LINGO1: variants seen among roughly 807,000 people sequenced by gnomAD.
The protein encoded by LINGO1 is leucine rich repeat and Ig domain containing 1.
LINGO1 carries 11 observed loss-of-function variants against 37.3 expected under a neutral mutation model. The observed-to-expected ratio is 0.29, with a 90% CI of 0.19 to 0.49. The LOEUF (loss-of-function observed/expected upper bound fraction) is 0.49, where lower values mean the gene tolerates loss of function less well. Among genes scored for constraint, LINGO1 ranks in the 20% least tolerant of loss-of-function variants. The pLI, the probability that LINGO1 is intolerant of heterozygous loss-of-function variation, is 0.99. For synonymous variants in LINGO1, 387 were observed against 403.0 expected, an observed-to-expected ratio of 0.96 and a Z score of 0.48; for missense variants, 585 against 878.2, an observed-to-expected ratio of 0.67 and a Z score of 4.22.
At chr15:77,764,935 G>A (rs2076512804) in intron 1 of LINGO1, among the ~76,000 whole-genome samples, 1 of 152,212 alleles carries the variant, frequency 6.6e-6, no homozygotes, top group South Asian at 2.1e-4. Context: ...TGGATGTGCA[G>A]ATGAACCACG....
At chr15:77,620,486 G>A (rs1050280836) in intron 1 of LINGO1, among the ~76,000 whole-genome samples, 1 of 152,226 alleles carries the variant, frequency 6.6e-6, no homozygotes, top group Non-Finnish European at 1.5e-5. Context: ...ATGTCCCGGG[G>A]CAGATACGGC....
intron 2 of LINGO1, among the ~76,000 whole-genome samples, chr15:77,710,690 T>C (rs1383461415): frequency 3.4e-4 from 51 of 152,222 alleles, no homozygotes; most frequent in Non-Finnish European, 2.4e-4. Context: ...GAAGAAGACT[T>C]CACAGAGCTG....
At chr15:77,753,782 T>C (rs1379536841) in intron 1 of LINGO1, among the ~76,000 whole-genome samples, 1 of 152,162 alleles carries the variant, frequency 6.6e-6, no homozygotes, top group Non-Finnish European at 1.5e-5. Flanking sequence ...CACACGATGT[T>C]TATCTAAACA....
intron 3 of LINGO1, among the ~76,000 whole-genome samples, chr15:77,674,828 G>A (rs2075303906): frequency 6.6e-6 from 1 of 151,346 alleles, no homozygotes; most frequent in African/African-American, 2.4e-5. Context: ...ATTTTTCCTT[G>A]TCTGTCTCTC....
intron 1 of LINGO1, among the ~76,000 whole-genome samples, chr15:77,761,591 A>T (rs1017854583): frequency 6.6e-6 from 1 of 152,228 alleles, no homozygotes; most frequent in African/African-American, 2.4e-5. Flanking sequence ...AATGCCATTA[A>T]TCTGGTCCAA....
Position 77,761,847 on chromosome 15 carries a change from T to A in LINGO1, c.-257+25022A>T, listed in dbSNP as rs938652163. ...AGGAGCTCATTGAGGCCCTGTCACA[T>A]GCCCAGCCCCTGGAGTCTCCATCCC... On this transcript the variant is annotated intron_variant, in intron 1 of 3. Coordinates refer to the LINGO1 transcript ENST00000561686. Among the ~76,000 whole-genome samples the A allele has an allele frequency of 6.6e-4, 101 of 152,328 alleles. 1 individual carries two copies. Among genetic ancestry groups the A allele is most frequent in the African/African-American group, 2.3e-3 (97 of 41,586 alleles).
At chr15:77,788,772 A>G (rs1030214262), upstream of LINGO1, 1 of 152,254 alleles carries the variant, frequency 6.6e-6, no homozygotes, top group East Asian at 1.9e-4. Context: ...AGTCCGGTAG[A>G]CCAAGGCCCA....
At chr15:77,626,195 C>T (rs111454244) in intron 1 of LINGO1, among the ~76,000 whole-genome samples, 3 of 152,176 alleles carry the variant, frequency 2.0e-5, no homozygotes, top group Non-Finnish European at 2.9e-5. Flanking sequence ...ATCCCAACCG[C>T]GGCCACTTTC....
intron 2 of LINGO1, among the ~76,000 whole-genome samples, chr15:77,680,670 A>T (rs11856876): frequency 6.6e-6 from 1 of 151,730 alleles, no homozygotes. Context: ...CCTACGCCTA[A>T]ATTCGAGGGC....
chr15:77,652,100 C>T (rs2292415), intron 3 of LINGO1: 11,600 of 152,238 alleles, frequency 0.076, 514 homozygotes, highest in East Asian at 0.12. Context: ...AAAGCAGGCA[C>T]GAATAGACCG....
chr15:77,781,372 A>T (rs1283460257), intron 1 of LINGO1, among the ~76,000 whole-genome samples: 7 of 152,228 alleles, frequency 4.6e-5, no homozygotes, highest in African/African-American at 1.7e-4. Flanking sequence ...GGAAGTGGGG[A>T]TCTGAGCTGG....
chr15:77,747,297 A>G (rs1019919904), intron 1 of LINGO1, among the ~76,000 whole-genome samples: 3 of 152,134 alleles, frequency 2.0e-5, no homozygotes, highest in African/African-American at 7.2e-5. Flanking sequence ...ATGAGGGGAC[A>G]TTGCAAGTCA....
chr15:77,633,086 G>A (rs2074316311), upstream of LINGO1, among the ~76,000 whole-genome samples: 2 of 151,798 alleles, frequency 1.3e-5, no homozygotes, highest in Admixed American at 6.5e-5. Context: ...CGCCCCAGCC[G>A]CTGCCCTGCA....
intron 1 of LINGO1, among the ~76,000 whole-genome samples, chr15:77,812,483 G>A (rs1438414763): frequency 1.3e-5 from 2 of 152,178 alleles, no homozygotes; most frequent in African/African-American, 4.8e-5. Flanking sequence ...GAGAATAGAG[G>A]GTGGAGGAGG....
intron 1 of LINGO1, among the ~76,000 whole-genome samples, chr15:77,739,794 A>G (rs2076242041): frequency 6.6e-6 from 1 of 152,242 alleles, no homozygotes; most frequent in South Asian, 2.1e-4. Flanking sequence ...AGAGCCACCT[A>G]TGATACACAA....
upstream of LINGO1, among the ~76,000 whole-genome samples, chr15:77,634,777 G>A (rs1198953781): frequency 6.7e-6 from 1 of 149,960 alleles, no homozygotes; most frequent in Non-Finnish European, 1.5e-5. Flanking sequence ...CACCCCGGCT[G>A]TTTGTGAGCT....
chr15:77,733,086 A>G (rs1483734267), intron 2 of LINGO1, among the ~76,000 whole-genome samples: 3 of 151,986 alleles, frequency 2.0e-5, no homozygotes, highest in African/African-American at 7.3e-5. Flanking sequence ...AGTCCCTCTC[A>G]GCGTGCAGCA....
At chr15:77,641,372 G>A (rs934589317) in intron 3 of LINGO1, among the ~76,000 whole-genome samples, 2 of 152,202 alleles carry the variant, frequency 1.3e-5, no homozygotes, top group African/African-American at 4.8e-5. Context: ...GTGCAAAAAC[G>A]AAGGAGGGCT....
intron 1 of LINGO1, among the ~76,000 whole-genome samples, chr15:77,767,169 A>G (rs1419378022): frequency 3.3e-5 from 5 of 152,244 alleles, no homozygotes; most frequent in Non-Finnish European, 7.3e-5. Flanking sequence ...TTATCAGAAC[A>G]CAGGGAGAAA....
Sources: gnomAD v4.1 joint callset for allele counts (sites outside exome capture counted in the v4.1 genomes callset) on GRCh38, gnomAD v4.1.1 for gene constraint, MANE v1.5 for transcripts, NCBI Gene and HGNC (gene_info 2026-07-23, HGNC 2026-07-21) for gene names.